The following RNF115 variants were observed in gnomAD, a reference collection of about 807,000 sequenced individuals.
The protein encoded by RNF115 is E3 ubiquitin-protein ligase RNF115.
A neutral mutation model predicts 39.2 loss-of-function variants in RNF115; 31 were observed. That is an observed-to-expected ratio of 0.79 (90% CI 0.59 to 1.07). The LOEUF (loss-of-function observed/expected upper bound fraction) is 1.07. Ranked by LOEUF, RNF115 falls within the 50% of genes least tolerant of loss-of-function variation. The pLI is 0.00. For missense variants in RNF115, 384 were observed against 381.7 expected, an observed-to-expected ratio of 1.01 and a Z score of -0.05; for synonymous variants, 124 against 131.0, an observed-to-expected ratio of 0.95 and a Z score of 0.37.
chr1:145,754,126 CACTA>C (rs1658203679), intron 4 of RNF115, among the ~76,000 whole-genome samples: 1 of 152,206 alleles, frequency 6.6e-6, no homozygotes, highest in African/African-American at 2.4e-5. Flanking sequence ...CAGCTAACTA[CACTA>C]TTCCGTTTGT....
intron 4 of RNF115, among the ~76,000 whole-genome samples, chr1:145,759,400 G>T (rs1293267569): frequency 6.6e-6 from 1 of 152,010 alleles, no homozygotes; most frequent in Non-Finnish European, 1.5e-5. Context: ...TCCTCCTAAT[G>T]TTCCCCATGT....
intron 1 of RNF115, among the ~76,000 whole-genome samples, chr1:145,811,947 A>G (rs587654490): frequency 7.6e-6 from 1 of 132,420 alleles, no homozygotes; most frequent in African/African-American, 2.8e-5. Flanking sequence ...ACACACACAT[A>G]TATGTAGAAA....
In RNF115 at chr1:145,746,900, T is replaced by C. The variant is rs782010153; in HGVS notation, c.881A>G (p.Asn294Ser). ...CCATCGGTCATGTAGCTGACTGTCA[T>C]TGCTAAATCTGTTGCTTGCAGAGGC... ...TEASASNRFSNDSQLHDRWTF is the reference protein window; with the variant it reads ...TEASASNRFSSDSQLHDRWTF The change falls in exon 9 of 9, where the codon AAT (asparagine) becomes AGT (serine). Residue 294 changes from asparagine (N) to serine (S), a missense_variant. By Grantham distance (46) the Asn-to-Ser change is conservative. Transcript: ENST00000582693. 13 of 1,614,050 alleles carry C rather than the reference T, an allele frequency of 8.1e-6. No individual in the cohort carries two copies. Among genetic ancestry groups the C allele is most frequent in the East Asian group, 2.2e-5 (1 of 44,886 alleles).
At position 145,746,286 on chromosome 1, in the gene RNF115, T is replaced by C. The variant is rs1020631981; in HGVS notation, c.*580A>G. Reference sequence around the variant, plus strand: ...CCAAAGCACACAATGATAAACCACTTTTCTCTTCTTGCTGTAATTTTTCTT... The same window carrying C: ...CCAAAGCACACAATGATAAACCACTCTTCTCTTCTTGCTGTAATTTTTCTT... On this transcript the variant is annotated 3_prime_UTR_variant, in exon 9 of 9. Transcript: ENST00000582693. The C allele has an allele frequency of 2.0e-5, 3 of 152,076 alleles. No homozygotes were observed. Among genetic ancestry groups the C allele is most frequent in the African/African-American group, 7.2e-5 (3 of 41,406 alleles). The allele number at this position is 152,076 out of a possible 1,614,324, so 9.4% of individuals were successfully genotyped here.
chr1:145,781,083 C>T (rs1283215733), intron 3 of RNF115, among the ~76,000 whole-genome samples: 3 of 152,148 alleles, frequency 2.0e-5, no homozygotes, highest in African/African-American at 7.2e-5. Flanking sequence ...ACACTGCTCC[C>T]ATGTAACTGG....
At chr1:145,812,890 G>A (rs1253821934) in intron 1 of RNF115, among the ~76,000 whole-genome samples, 3 of 145,896 alleles carry the variant, frequency 2.1e-5, no homozygotes, top group African/African-American at 7.5e-5. Context: ...CAAAGTGCTG[G>A]GATTACAGGT....
At chr1:145,792,235 C>T (rs1431201303) in intron 1 of RNF115, among the ~76,000 whole-genome samples, 1 of 152,034 alleles carries the variant, frequency 6.6e-6, no homozygotes, top group African/African-American at 2.4e-5. Context: ...TTTCTTATGC[C>T]ATATAGTTTC....
At chr1:145,779,080 G>A (rs1353385841) in intron 3 of RNF115, among the ~76,000 whole-genome samples, 4 of 152,132 alleles carry the variant, frequency 2.6e-5, no homozygotes, top group Non-Finnish European at 5.9e-5. Flanking sequence ...AAGGAAGTAT[G>A]ATCGATGATC....
intron 1 of RNF115, among the ~76,000 whole-genome samples, chr1:145,791,913 T>C (rs1648688431): frequency 6.6e-6 from 1 of 152,038 alleles, no homozygotes; most frequent in Admixed American, 6.5e-5. Flanking sequence ...TTTGTTTCTT[T>C]TTTATTTTTT....
chr1:145,808,656 A>G (rs1649564517), intron 1 of RNF115, among the ~76,000 whole-genome samples: 1 of 152,198 alleles, frequency 6.6e-6, no homozygotes, highest in Admixed American at 6.5e-5. Context: ...GTACCATTAT[A>G]AATAGTTTTT....
chr1:145,769,135 A>C (rs1647523259), intron 4 of RNF115, among the ~76,000 whole-genome samples: 1 of 152,220 alleles, frequency 6.6e-6, no homozygotes, highest in Non-Finnish European at 1.5e-5. Flanking sequence ...ATAAGTAAAC[A>C]GTTAAAAATC....
intron 4 of RNF115, among the ~76,000 whole-genome samples, chr1:145,764,432 A>G (rs1553714382): frequency 7.1e-6 from 1 of 141,062 alleles, no homozygotes; most frequent in African/African-American, 2.8e-5. Flanking sequence ...AGATGTGGGG[A>G]GCGCCTCGGC....
chr1:145,775,169 C>T (rs1403704392), intron 3 of RNF115, among the ~76,000 whole-genome samples: 2 of 152,256 alleles, frequency 1.3e-5, no homozygotes, highest in South Asian at 2.1e-4. Context: ...ATCACTTGAA[C>T]CCAGGATCTT....
chr1:145,782,988 T>C (rs1293948065), intron 3 of RNF115, among the ~76,000 whole-genome samples: 1 of 152,156 alleles, frequency 6.6e-6, no homozygotes, highest in Non-Finnish European at 1.5e-5. Context: ...CAGCCTACCA[T>C]GTAGCTAGGA....
At chr1:145,795,689 G>A (rs1648946189) in intron 1 of RNF115, among the ~76,000 whole-genome samples, 1 of 152,142 alleles carries the variant, frequency 6.6e-6, no homozygotes, top group Admixed American at 6.6e-5. Flanking sequence ...ACACTTAAGA[G>A]ATATAAATCA....
intron 3 of RNF115, among the ~76,000 whole-genome samples, chr1:145,774,744 CTCTAT>C (rs1480133177): frequency 6.6e-6 from 1 of 152,158 alleles, no homozygotes; most frequent in African/African-American, 2.4e-5. Context: ...AGTTTTAAAT[CTCTAT>C]TCTTTCTCTT....
chr1:145,753,899 G>GTA (rs1377652383), intron 4 of RNF115, among the ~76,000 whole-genome samples: 1 of 152,054 alleles, frequency 6.6e-6, no homozygotes, highest in African/African-American at 2.4e-5. Flanking sequence ...TGTATACTTA[G>GTA]TAGATTTAGT....
Position 145,780,360 on chromosome 1 carries a change from C to T in RNF115, c.219+4179G>A, listed in dbSNP as rs1477919269. On this transcript the variant is annotated intron_variant, in intron 3 of 8. Coordinates refer to ENST00000582693, the MANE Select transcript of RNF115 (RefSeq NM_014455.4). ...ACTCGGCCGGGCGCAGTGGCTCACACCTGTAATCCCAGCACTTTGGGAGAC... is the reference window on the plus strand; with the variant it reads ...ACTCGGCCGGGCGCAGTGGCTCACATCTGTAATCCCAGCACTTTGGGAGAC... Among the ~76,000 whole-genome samples the T allele has an allele frequency of 2.0e-5, 3 of 152,116 alleles. No homozygotes were observed. The East Asian group carries it at 5.8e-4, about 29-fold the overall frequency.
At chr1:145,815,281 G>C (rs1553723362) in intron 1 of RNF115, among the ~76,000 whole-genome samples, 1 of 152,310 alleles carries the variant, frequency 6.6e-6, no homozygotes, top group Admixed American at 6.5e-5. Context: ...AGTAGAGGGA[G>C]AGAAGCCTAC....
Sources: allele counts gnomAD v4.1 joint callset (sites outside exome capture counted in the v4.1 genomes callset), GRCh38; gene constraint gnomAD v4.1.1; transcripts MANE v1.5; gene names NCBI Gene and HGNC (gene_info 2026-07-23, HGNC 2026-07-21).